The following ERBB4 variants were observed in gnomAD, a reference collection of about 807,000 sequenced individuals.
ERBB4 encodes the protein receptor tyrosine-protein kinase erbB-4.
A neutral mutation model predicts 158.0 loss-of-function variants in ERBB4; 42 were observed. That is an observed-to-expected ratio of 0.27 (90% CI 0.21 to 0.34). ERBB4 has a LOEUF of 0.34. Ranked by LOEUF, ERBB4 falls within the 10% of genes least tolerant of loss-of-function variation. The pLI, the probability that ERBB4 is intolerant of heterozygous loss-of-function variation, is 1.00. For synonymous variants in ERBB4, 583 were observed against 558.7 expected, an observed-to-expected ratio of 1.04 and a Z score of -0.61; for missense variants, 1,333 against 1,624.1, an observed-to-expected ratio of 0.82 and a Z score of 3.08.
intron 3 of ERBB4, among the ~76,000 whole-genome samples, chr2:211,942,258 C>G (rs1370171960): frequency 2.6e-5 from 4 of 152,060 alleles, no homozygotes; most frequent in Non-Finnish European, 5.9e-5. Flanking sequence ...GGCAGACATT[C>G]AAGTGTAATG....
chr2:212,097,359 G>T (rs2078961349), intron 2 of ERBB4, among the ~76,000 whole-genome samples: 1 of 152,038 alleles, frequency 6.6e-6, no homozygotes, highest in Non-Finnish European at 1.5e-5. Context: ...AAAGAAGAGG[G>T]TAACAGATGA....
At chr2:211,810,758 C>T (rs890169083) in intron 3 of ERBB4, among the ~76,000 whole-genome samples, 51 of 151,180 alleles carry the variant, frequency 3.4e-4, no homozygotes, top group African/African-American at 1.1e-3. Flanking sequence ...CTGCAAGCTC[C>T]GCTTCCCGGG....
chr2:212,093,414 G>T (rs2078836590), intron 2 of ERBB4, among the ~76,000 whole-genome samples: 1 of 152,072 alleles, frequency 6.6e-6, no homozygotes, highest in African/African-American at 2.4e-5. Context: ...ACAAGAAACA[G>T]AACTCAGAAG....
chr2:211,860,605 C>T (rs1349751956), intron 3 of ERBB4, among the ~76,000 whole-genome samples: 2 of 152,008 alleles, frequency 1.3e-5, no homozygotes, highest in Admixed American at 6.6e-5. Context: ...TTCTGCATTT[C>T]TGCTCTCTTG....
intron 20 of ERBB4, among the ~76,000 whole-genome samples, chr2:211,492,302 T>C (rs74995526): frequency 0.021 from 3,213 of 152,196 alleles, 114 homozygotes; most frequent in African/African-American, 0.071. Context: ...TTTGGAGTAA[T>C]ATATAGATGG....
At position 212,056,182 on chromosome 2, in the gene ERBB4, T is replaced by C. The variant is rs570116840; in HGVS notation, c.234+68570A>G. On this transcript the variant is annotated intron_variant, in intron 2 of 27. Coordinates refer to ENST00000342788, the MANE Select transcript of ERBB4 (RefSeq NM_005235.3). Reference sequence around the variant, plus strand: ...CAACTGGAAGAAAGGGTATCAGTGATTGAAGATCAAATTAATGAAATGAAG... The same window carrying C: ...CAACTGGAAGAAAGGGTATCAGTGACTGAAGATCAAATTAATGAAATGAAG... 2.6e-5 allele frequency among the ~76,000 whole-genome samples: 4 copies of C among 152,250 alleles called. No homozygotes were observed. The South Asian group carries it at 8.3e-4, about 32-fold the overall frequency.
chr2:211,970,029 T>C (rs2081408094), intron 2 of ERBB4, among the ~76,000 whole-genome samples: 1 of 152,152 alleles, frequency 6.6e-6, no homozygotes, highest in Admixed American at 6.5e-5. Flanking sequence ...TGTGGTCATT[T>C]AGTGCTACAA....
intron 1 of ERBB4, among the ~76,000 whole-genome samples, chr2:212,457,230 T>C (rs1688339059): frequency 6.6e-6 from 1 of 152,046 alleles, no homozygotes; most frequent in African/African-American, 2.4e-5. Flanking sequence ...TAAATATATA[T>C]ATTTTTAAGC....
intron 2 of ERBB4, among the ~76,000 whole-genome samples, chr2:211,948,024 G>C (rs2125139864): frequency 6.6e-6 from 1 of 152,304 alleles, no homozygotes; most frequent in African/African-American, 2.4e-5. Flanking sequence ...AGCCATGTTA[G>C]TTTGTAAATT....
intron 1 of ERBB4, among the ~76,000 whole-genome samples, chr2:212,193,399 AGAC>A (rs1381721972): frequency 2.6e-5 from 4 of 152,130 alleles, no homozygotes; most frequent in Non-Finnish European, 4.4e-5. Context: ...AATTAAAGGT[AGAC>A]TATCTGTTTC....
intron 1 of ERBB4, among the ~76,000 whole-genome samples, chr2:212,538,132 C>A (rs1476872811): frequency 1.3e-5 from 2 of 152,208 alleles, no homozygotes; most frequent in African/African-American, 2.4e-5. Flanking sequence ...GGATTTGGGT[C>A]TCCCATGTCC....
intron 3 of ERBB4, among the ~76,000 whole-genome samples, chr2:211,863,767 A>AC (rs2078131386): frequency 1.3e-5 from 2 of 152,208 alleles, no homozygotes; most frequent in Non-Finnish European, 2.9e-5. Flanking sequence ...AGTCAGCAAG[A>AC]CCAAGAACCC....
intron 1 of ERBB4, among the ~76,000 whole-genome samples, chr2:212,140,174 A>C (rs984138294): frequency 2.6e-5 from 4 of 151,410 alleles, no homozygotes; most frequent in Non-Finnish European, 5.9e-5. Flanking sequence ...TCTGGTCTCA[A>C]AAACTAAAAT....
chr2:212,117,086 C>T (rs936065875), intron 2 of ERBB4, among the ~76,000 whole-genome samples: 1 of 152,158 alleles, frequency 6.6e-6, no homozygotes, highest in Non-Finnish European at 1.5e-5. Context: ...GCCTTAGAAA[C>T]AGCTTTCAGA....
chr2:212,299,015 C>T (rs2086522748), intron 1 of ERBB4, among the ~76,000 whole-genome samples: 1 of 151,568 alleles, frequency 6.6e-6, no homozygotes, highest in African/African-American at 2.4e-5. Context: ...TTATTGTGAG[C>T]TCAGTTTTTA....
At chr2:212,387,575 G>C (rs1381863792) in intron 1 of ERBB4, among the ~76,000 whole-genome samples, 3 of 151,344 alleles carry the variant, frequency 2.0e-5, no homozygotes, top group African/African-American at 7.3e-5. Context: ...ACACCACCAC[G>C]CCCAGCTAAT....
chr2:212,238,307 T>C lies in ERBB4; in HGVS notation c.83-113404A>G, dbSNP rs573362078. ...CCATTCCTCATGGCTCAGTCCCTCA[T>C]GATTTTCCTTGGCTAGGGGAGGGAG... On this transcript the variant is annotated intron_variant, in intron 1 of 27. Coordinates refer to ENST00000342788, the MANE Select transcript of ERBB4 (RefSeq NM_005235.3). Among the ~76,000 whole-genome samples, 7 of 152,306 alleles carry C rather than the reference T, an allele frequency of 4.6e-5. No individual in the cohort carries two copies. The East Asian group carries it at 1.4e-3, about 29-fold the overall frequency.
intron 1 of ERBB4, among the ~76,000 whole-genome samples, chr2:212,244,374 G>A (rs2084233677): frequency 6.6e-6 from 1 of 152,134 alleles, no homozygotes; most frequent in African/African-American, 2.4e-5. Flanking sequence ...CACGGGTCAT[G>A]ACAGGAGCAT....
At chr2:212,003,152 A>T (rs186621429) in intron 2 of ERBB4, among the ~76,000 whole-genome samples, 1 of 23,002 alleles carries the variant, frequency 4.3e-5, no homozygotes, top group Non-Finnish European at 9.8e-5. Flanking sequence ...AAGGAAGGAA[A>T]GAAAGAAAGA....
Sources: gnomAD v4.1 joint callset for allele counts (sites outside exome capture counted in the v4.1 genomes callset) on GRCh38, gnomAD v4.1.1 for gene constraint, MANE v1.5 for transcripts, NCBI Gene and HGNC (gene_info 2026-07-23, HGNC 2026-07-21) for gene names.